Variants in ZNF879 observed in about 807,000 individuals in gnomAD.
ZNF879 encodes the protein zinc finger protein 879.
Under a neutral mutation model 44.3 loss-of-function variants are expected in ZNF879, and 32 were observed. The ratio of observed to expected loss-of-function variants is 0.72; its 90% CI spans 0.54 to 0.97. The LOEUF (loss-of-function observed/expected upper bound fraction) is 0.97, where lower values mean the gene tolerates loss of function less well. ZNF879 is among the 50% of genes least tolerant of loss of function. ZNF879 has a pLI of 0.00. For synonymous variants in ZNF879, 234 were observed against 233.2 expected, an observed-to-expected ratio of 1.00 and a Z score of -0.03; for missense variants, 621 against 669.7, an observed-to-expected ratio of 0.93 and a Z score of 0.80.
chr5:179,032,563 A>G lies in ZNF879; in HGVS notation c.615A>G (p.Lys205=), dbSNP rs1761450973. 1 of 1,552,244 alleles carries G rather than the reference A, an allele frequency of 6.4e-7. No homozygotes were observed. Among genetic ancestry groups the G allele is most frequent in the African/African-American group, 1.4e-5 (1 of 73,182 alleles). ...TCAACACAGTGCGTAAATGTTATAA[A>G]TGTAATATCTGTGGGAAAATCTTCC... ...LGVNTVRKCY[K]CNICGKIFLH... is the part of the protein sequence containing the mutation. The change falls in exon 5 of 5, where the codon AAA becomes AAG. Residue 205 remains lysine (K), a synonymous_variant. Transcript: ENST00000444149.
intron 4 of ZNF879, among the ~76,000 whole-genome samples, chr5:179,029,628 G>C (rs1214004133): frequency 6.6e-6 from 1 of 152,050 alleles, no homozygotes; most frequent in African/African-American, 2.4e-5. Flanking sequence ...TTTTAAATTT[G>C]TACAAATTCT....
intron 1 of ZNF879, 99 bp from the exon 2 acceptor site, chr5:179,024,871 T>C: frequency 1.1e-6 from 1 of 919,668 alleles, no homozygotes; most frequent in South Asian, 1.6e-5. Context: ...GCTCCTTCTC[T>C]GCAGGTGCTC....
Position 179,025,047 on chromosome 5 carries a change from G to A in ZNF879, c.33+10G>A. On this transcript the variant is annotated intron_variant, in intron 2 of 4. Transcript: ENST00000444149. ...GCCAGCCCATGTACAGGTGAGTGAA[G>A]GCTTCTTTTTGCTTGAACTGCCTTC... 13 of 1,551,496 alleles carry A rather than the reference G, an allele frequency of 8.4e-6. No individual in the cohort carries two copies. The highest frequency in any genetic ancestry group is 9.6e-6 in the Non-Finnish European group (11 of 1,146,850).
chr5:179,027,029 C>T (rs1273443236), intron 2 of ZNF879, among the ~76,000 whole-genome samples: 3 of 152,142 alleles, frequency 2.0e-5, no homozygotes. Context: ...GTCATCTTTC[C>T]CAGGACTCAT....
intron 3 of ZNF879, 47 bp from the exon 4 acceptor site, chr5:179,027,983 ACC>A (rs1561734196): frequency 1.3e-6 from 2 of 1,514,486 alleles, no homozygotes; most frequent in Non-Finnish European, 1.8e-6. Flanking sequence ...CTGGGGCTGG[ACC>A]CGCCTGCTAC....
chr5:179,030,433 G>A (rs2132671), intron 4 of ZNF879, among the ~76,000 whole-genome samples: 44,602 of 152,052 alleles, frequency 0.29, 7,120 homozygotes, highest in African/African-American at 0.43. Flanking sequence ...CTCAAAAAGG[G>A]ATTTAGTAAA....
At position 179,035,031 on chromosome 5, in the gene ZNF879, C is replaced by T. The variant is rs6867119; in HGVS notation, c.*1391C>T. 0.25 allele frequency: 36,847 copies of T among 146,600 alleles called. 4,730 individuals carry two copies. The highest frequency in any genetic ancestry group is 0.42 in the East Asian group (2,050 of 4,928). The allele number at this position is 146,600 out of a possible 1,614,324, so 9.1% of individuals were successfully genotyped here. A position where few individuals can be genotyped will look rare whatever the true frequency, so the allele number is the denominator to read the frequency against. On this transcript the variant is annotated 3_prime_UTR_variant, in exon 5 of 5. Coordinates refer to ENST00000444149, the MANE Select transcript of ZNF879 (RefSeq NM_001136116.3). ...CATCCTGGCTAACATGGTGAAACCA[C>T]GTCTCCACTAAAAATACAAAAAAAA...
chr5:179,028,929 T>C (rs1289561178), intron 4 of ZNF879, among the ~76,000 whole-genome samples: 1 of 152,200 alleles, frequency 6.6e-6, no homozygotes, highest in Non-Finnish European at 1.5e-5. Flanking sequence ...CTTTTGCGTT[T>C]CCATTCGTGA....
chr5:179,024,353 T>C (rs1761198519), intron 1 of ZNF879: 1 of 152,310 alleles, frequency 6.6e-6, no homozygotes, highest in Non-Finnish European at 1.5e-5. Flanking sequence ...AACTATTTCT[T>C]TTTTTATTTA....
In ZNF879 at chr5:179,028,935, C is replaced by T. The variant is rs940802714; in HGVS notation, c.256+808C>T. On this transcript the variant is annotated intron_variant, in intron 4 of 4. Transcript: ENST00000444149. The stretch of plus-strand genomic sequence containing the variant: ...GCCAGTTCACTTTTGCGTTTCCATT[C>T]GTGAACTCTGTCTTCACATTTTTCC... Among the ~76,000 whole-genome samples, 6 of 152,252 alleles carry T rather than the reference C, an allele frequency of 3.9e-5. No individual in the cohort carries two copies. The East Asian group carries it at 9.6e-4, about 24-fold the overall frequency.
intron 4 of ZNF879, among the ~76,000 whole-genome samples, chr5:179,029,445 A>G (rs1175904678): frequency 1.3e-5 from 2 of 152,212 alleles, no homozygotes; most frequent in Admixed American, 6.5e-5. Flanking sequence ...GAGTAGTGAT[A>G]CAATAAAATA....
At position 179,023,864 on chromosome 5, in the gene ZNF879, T is replaced by C. The variant is rs1019336182; in HGVS notation, c.-76T>C. On this transcript the variant is annotated 5_prime_UTR_variant, in exon 1 of 5. Coordinates refer to ENST00000444149, the MANE Select transcript of ZNF879 (RefSeq NM_001136116.3). The stretch of plus-strand genomic sequence containing the variant: ...AATTAGGTGTTCCGCTCGCCTCTTG[T>C]GCGGTGTGGAGCTGCGCGCCCCCCG... 11 of 152,292 alleles carry C rather than the reference T, an allele frequency of 7.2e-5. No homozygotes were observed. Among genetic ancestry groups the C allele is most frequent in the African/African-American group, 2.7e-4 (11 of 41,476 alleles). 9.4% of individuals were successfully genotyped at this position (152,292 alleles called of 1,614,324 possible).
At position 179,033,513 on chromosome 5, in the gene ZNF879, G is replaced by A; in HGVS notation, c.1565G>A (p.Arg522Lys). Residue 522 changes from arginine (R) to lysine (K), a missense_variant, in exon 5 of 5, where the codon AGA becomes AAA. Coordinates refer to ENST00000444149, the MANE Select transcript of ZNF879 (RefSeq NM_001136116.3). Reference sequence around the variant, plus strand: ...TGTAAAGTGTGTGGGAAAGCCTTCAGACAGAGTTCATCCCTTATGACACAC... The same window carrying A: ...TGTAAAGTGTGTGGGAAAGCCTTCAAACAGAGTTCATCCCTTATGACACAC... Reference protein sequence around the residue: ...YNCKVCGKAFRQSSSLMTHMR... With the variant: ...YNCKVCGKAFKQSSSLMTHMR... 4 of 1,557,724 alleles carry A rather than the reference G, an allele frequency of 2.6e-6. No individual in the cohort carries two copies. Among genetic ancestry groups the A allele is most frequent in the Non-Finnish European group, 2.6e-6 (3 of 1,150,764 alleles).
intron 2 of ZNF879, 141 bp downstream of exon 2, chr5:179,025,178 G>C: frequency 6.6e-6 from 6 of 904,556 alleles, no homozygotes; most frequent in Non-Finnish European, 1.0e-5. Context: ...CTGGAAGGAA[G>C]GTGTTTCCCT....
In ZNF879 at chr5:179,028,031, G is replaced by A; in HGVS notation, c.161-1G>A. The A allele has an allele frequency of 6.4e-7, 1 of 1,551,488 alleles. No individual in the cohort carries two copies. Among genetic ancestry groups the A allele is most frequent in the Non-Finnish European group, 8.7e-7 (1 of 1,146,886 alleles). On this transcript the variant is annotated splice_acceptor_variant, in intron 3 of 4. Transcript: ENST00000444149. LOFTEE classifies it high-confidence loss of function. Reference sequence around the variant, plus strand: ...CACGTTTCTTTCTTGTTCATGAACAGGGATTCTCTTTTCCAAGCCAAAGGT... The same window carrying A: ...CACGTTTCTTTCTTGTTCATGAACAAGGATTCTCTTTTCCAAGCCAAAGGT...
In ZNF879 at chr5:179,033,796, A is replaced by G. The variant is rs1186188118; in HGVS notation, c.*156A>G. 1.2e-5 allele frequency: 6 copies of G among 517,828 alleles called. No individual in the cohort carries two copies. The East Asian group carries it at 1.6e-4, about 13-fold the overall frequency. 32.1% of individuals were successfully genotyped at this position (517,828 alleles called of 1,614,324 possible). A position where few individuals can be genotyped will look rare whatever the true frequency, so the allele number is the denominator to read the frequency against. ...CATCAGAGACTTCATGATGCAGGGTAACCTTGGGAATGCTAGAAAAGCTTC... is the reference window on the plus strand; with the variant it reads ...CATCAGAGACTTCATGATGCAGGGTGACCTTGGGAATGCTAGAAAAGCTTC... On this transcript the variant is annotated 3_prime_UTR_variant, in exon 5 of 5. Transcript: ENST00000444149.
rs538859623 is a variant in ZNF879 at position 179,029,133 on chromosome 5, C to T, written c.256+1006C>T. Among the ~76,000 whole-genome samples the T allele has an allele frequency of 4.1e-5, 6 of 147,694 alleles. No individual in the cohort carries two copies. The East Asian group carries it at 8.0e-4, about 20-fold the overall frequency. ...TTTTTTTTTTCCTCTCTGCATTGTC[C>T]AAACTGCTCCACTGTCTTTGGGCAT... On this transcript the variant is annotated intron_variant, in intron 4 of 4. Coordinates refer to ENST00000444149, the MANE Select transcript of ZNF879 (RefSeq NM_001136116.3).
Position 179,033,092 on chromosome 5 carries a change from A to C in ZNF879, c.1144A>C (p.Ser382Arg). Residue 382 changes from serine to arginine, a missense_variant, in exon 5 of 5, where the codon AGC becomes CGC. By Grantham distance (110) the Ser-to-Arg change is moderately radical (BLOSUM62 -1). Coordinates refer to ENST00000444149, the MANE Select transcript of ZNF879 (RefSeq NM_001136116.3). ...TTGTAACGAGTGTGGAAAAGTATTC[A>C]GCTATCACTCAGCCCTTATCATACA... The part of the protein sequence containing the change: ...FHCNECGKVF[S>R]YHSALIIHQR... 6.4e-7 allele frequency: 1 copy of C among 1,570,372 alleles called. No individual in the cohort carries two copies.
chr5:179,032,186 T>G lies in ZNF879; in HGVS notation c.257-19T>G. ...AAATTCTGAGTTCAAGAGAGACTTA[T>G]ATGTTTTGTCTACTTTAGGATGGGA... On this transcript the variant is annotated intron_variant, in intron 4 of 4. Coordinates refer to ENST00000444149, the MANE Select transcript of ZNF879 (RefSeq NM_001136116.3). 1 of 1,467,704 alleles carries G rather than the reference T, an allele frequency of 6.8e-7. No homozygotes were observed. Among genetic ancestry groups the G allele is most frequent in the Non-Finnish European group, 9.0e-7 (1 of 1,106,956 alleles). 90.9% of individuals were successfully genotyped at this position (1,467,704 alleles called of 1,614,324 possible).
Sources: allele counts gnomAD v4.1 joint callset (sites outside exome capture counted in the v4.1 genomes callset), GRCh38; gene constraint gnomAD v4.1.1; transcripts MANE v1.5; gene names NCBI Gene and HGNC (gene_info 2026-07-23, HGNC 2026-07-21).